Variants in PSG5 observed in about 807,000 individuals in gnomAD.
PSG5 encodes the protein pregnancy-specific beta-1-glycoprotein 5.
A neutral mutation model predicts 37.7 loss-of-function variants in PSG5; 53 were observed. The ratio of observed to expected loss-of-function variants is 1.41; its 90% CI spans 1.13 to 1.77. The LOEUF (loss-of-function observed/expected upper bound fraction) is 1.77. Ranked by LOEUF, PSG5 falls within the 40% of genes most tolerant of loss-of-function variation. The probability of loss-of-function intolerance (pLI) is 0.00; values close to 1 mark genes in which losing one functional copy is unlikely to be tolerated. For synonymous variants in PSG5, 221 were observed against 155.4 expected (o/e 1.42, Z -3.14); for missense variants, 547 against 405.2 (o/e 1.35, Z -3.00).
intron 2 of PSG5, among the ~76,000 whole-genome samples, chr19:43,182,794 G>T (rs1406479352): frequency 1.4e-5 from 2 of 140,986 alleles, no homozygotes; most frequent in Non-Finnish European, 3.0e-5. Flanking sequence ...CTGTCCCATT[G>T]TCTTGTCCAC....
At chr19:43,181,969 C>G (rs906132502) in intron 2 of PSG5, among the ~76,000 whole-genome samples, 1 of 151,612 alleles carries the variant, frequency 6.6e-6, no homozygotes, top group Non-Finnish European at 1.5e-5. Flanking sequence ...GGACTGCAGG[C>G]CTGTCCAGCC....
chr19:43,174,936 A>G (rs2355433), intron 4 of PSG5: 729,772 of 1,293,172 alleles, frequency 0.56, 214,060 homozygotes, highest in East Asian at 0.98. Context: ...TCTCCTTCTC[A>G]TCCCTCTGTG....
intron 1 of PSG5, 38 bp from the exon 2 acceptor site, chr19:43,185,185 T>G: frequency 4.5e-6 from 7 of 1,559,062 alleles, no homozygotes; most frequent in Non-Finnish European, 6.1e-6. Context: ...TATTGAGACC[T>G]GTGTATTGGG....
rs1343298115 is a variant in PSG5 at position 43,175,485 on chromosome 19, TG to T, written c.710-17del. 5 of 1,595,632 alleles carry T rather than the reference TG, an allele frequency of 3.1e-6. No homozygotes were observed. The South Asian group carries it at 3.4e-5, about 11-fold the overall frequency. On this transcript the variant is annotated splice_polypyrimidine_tract_variant and intron_variant, in intron 3 of 5. Coordinates refer to ENST00000342951, the MANE Select transcript of PSG5 (RefSeq NM_002781.4). ...TCTGGACCATCTGGAGCAAAGAGAA[TG>T]AAGCCACAGGTGATGTCATCCAAGG...
chr19:43,181,649 G>A lies in PSG5; in HGVS notation c.430+3133C>T, dbSNP rs149642520. Among the ~76,000 whole-genome samples, 701 of 151,734 alleles carry A rather than the reference G, an allele frequency of 4.6e-3. 31 individuals are homozygous for A. Among genetic ancestry groups the A allele is most frequent in the African/African-American group, 0.015 (629 of 41,290 alleles). ...AATTTTTTGTATTTTTAGTAGAGACGGAGTTTCAACATGTTAGCCAGGATG... is the reference window on the plus strand; with the variant it reads ...AATTTTTTGTATTTTTAGTAGAGACAGAGTTTCAACATGTTAGCCAGGATG... On this transcript the variant is annotated intron_variant, in intron 2 of 5. Coordinates refer to ENST00000342951, the MANE Select transcript of PSG5 (RefSeq NM_002781.4).
At chr19:43,170,527 C>T (rs552978420) in intron 4 of PSG5, 3 of 440,064 alleles carry the variant, frequency 6.8e-6, no homozygotes, top group Non-Finnish European at 4.5e-6. Flanking sequence ...TGGCAGGGAG[C>T]TGATTGACAG....
Position 43,186,489 on chromosome 19 carries a change from C to A in PSG5, c.-84G>T, listed in dbSNP as rs928534709. On this transcript the variant is annotated 5_prime_UTR_variant, in exon 1 of 6. Transcript: ENST00000342951. ...TGAGCACGGCTGTAGGCTGTGCTGT[C>A]CTTCCTCCTTCTGTGCTGAGCCTCT... is the stretch of plus-strand genomic sequence containing the variant. The A allele has an allele frequency of 2.5e-6, 4 of 1,581,720 alleles. No individual in the cohort carries two copies. The highest frequency in any genetic ancestry group is 3.4e-6 in the Non-Finnish European group (4 of 1,160,956).
intron 2 of PSG5, among the ~76,000 whole-genome samples, chr19:43,184,076 T>G (rs1969190258): frequency 6.6e-6 from 1 of 151,694 alleles, no homozygotes; most frequent in East Asian, 1.9e-4. Flanking sequence ...AGGTACATCT[T>G]CTCCCTTCTG....
In PSG5 at chr19:43,178,741, G is replaced by A. The variant is rs147528454; in HGVS notation, c.431-2593C>T. 99 of 1,583,350 alleles carry A rather than the reference G, an allele frequency of 6.3e-5. 1 individual carries two copies. The African/African-American group carries it at 1.3e-3, about 20-fold the overall frequency. On this transcript the variant is annotated intron_variant, in intron 2 of 5. Transcript: ENST00000342951. Reference sequence around the variant, plus strand: ...CTAGGCCTACTCTGTTTTGCCTGGGGCAGAAAGTCATGGCCAGCTTTGATG... The same window carrying A: ...CTAGGCCTACTCTGTTTTGCCTGGGACAGAAAGTCATGGCCAGCTTTGATG...
chr19:43,179,119 T>A (rs1969073798), intron 2 of PSG5: 1 of 1,604,236 alleles, frequency 6.2e-7, no homozygotes, highest in Non-Finnish European at 8.5e-7. Context: ...TCCCTGGGGT[T>A]TAAGTTGCTA....
At chr19:43,171,120 T>G (rs1236949286) in intron 4 of PSG5, 1 of 151,558 alleles carries the variant, frequency 6.6e-6, no homozygotes, top group Admixed American at 6.6e-5. Context: ...TCCACTTTGC[T>G]GATGAAAAGA....
intron 2 of PSG5, among the ~76,000 whole-genome samples, chr19:43,178,367 A>G (rs934085486): frequency 1.4e-4 from 22 of 151,810 alleles, no homozygotes; most frequent in Non-Finnish European, 2.9e-4. Flanking sequence ...CCCATCAATC[A>G]GCCAAGAATG....
intron 4 of PSG5, among the ~76,000 whole-genome samples, chr19:43,173,656 C>A (rs1968947632): frequency 1.3e-5 from 2 of 151,604 alleles, no homozygotes; most frequent in Admixed American, 6.6e-5. Context: ...CAATGTTACA[C>A]CACCTCACAC....
chr19:43,185,192 T>G (rs1555719978), intron 1 of PSG5, 45 bp from the exon 2 acceptor site: 1 of 1,544,666 alleles, frequency 6.5e-7, no homozygotes, highest in Non-Finnish European at 8.7e-7. Context: ...ACCTGTGTAT[T>G]GGGGTGAAAA....
intron 2 of PSG5, 147 bp downstream of exon 2, chr19:43,184,635 G>T (rs1188325122): frequency 2.7e-6 from 4 of 1,465,598 alleles, no homozygotes; most frequent in Middle Eastern, 1.8e-4. Context: ...TCTCCTCTGT[G>T]TGTGTCCTGC....
At chr19:43,171,983 C>CAAAAAAAAAA (rs60198220) in intron 4 of PSG5, among the ~76,000 whole-genome samples, 1 of 105,140 alleles carries the variant, frequency 9.5e-6, no homozygotes, top group African/African-American at 3.6e-5. Flanking sequence ...TCCCTCTCTT[C>CAAAAAAAAAA]AAAAAAAAAA....
At chr19:43,175,588 C>A (rs1968991493) in intron 3 of PSG5, 119 bp from the exon 4 acceptor site, 17 of 1,464,606 alleles carry the variant, frequency 1.2e-5, no homozygotes, top group Admixed American at 6.7e-5. Context: ...CCCAGCCGAA[C>A]CCCCACTATA....
In PSG5 at chr19:43,167,838, G is replaced by A. The variant is rs1226581464; in HGVS notation, c.*406C>T. ...ACTCAGATAGAGAGCAAAAGCAAAT[G>A]TTTCAATTTTTGTTTACAAAAGTAT... On this transcript the variant is annotated 3_prime_UTR_variant, in exon 6 of 6. Transcript: ENST00000342951. 6.8e-6 allele frequency: 2 copies of A among 292,556 alleles called. No individual in the cohort carries two copies. Among genetic ancestry groups the A allele is most frequent in the Non-Finnish European group, 1.3e-5 (2 of 156,428 alleles). 18.1% of individuals were successfully genotyped at this position (292,556 alleles called of 1,614,324 possible). A position where few individuals can be genotyped will look rare whatever the true frequency, so the allele number is the denominator to read the frequency against.
chr19:43,173,910 A>G (rs1202985115), intron 4 of PSG5, among the ~76,000 whole-genome samples: 2 of 151,710 alleles, frequency 1.3e-5, no homozygotes, highest in Non-Finnish European at 2.9e-5. Context: ...AAATATTTGT[A>G]CACTGATGTT....
Sources: gnomAD v4.1 joint callset for allele counts (sites outside exome capture counted in the v4.1 genomes callset) on GRCh38, gnomAD v4.1.1 for gene constraint, MANE v1.5 for transcripts, NCBI Gene and HGNC (gene_info 2026-07-23, HGNC 2026-07-21) for gene names.